The following SPOCK3 variants were observed in gnomAD, a reference collection of about 807,000 sequenced individuals.
SPOCK3 encodes the protein testican-3.
Under a neutral mutation model 56.6 loss-of-function variants are expected in SPOCK3, and 30 were observed. The ratio of observed to expected loss-of-function variants is 0.53; its 90% CI spans 0.40 to 0.72. The LOEUF (loss-of-function observed/expected upper bound fraction) is 0.72, where lower values mean the gene tolerates loss of function less well. Ranked by LOEUF, SPOCK3 falls within the 30% of genes least tolerant of loss-of-function variation. The pLI is 0.00. For missense variants in SPOCK3, 527 were observed against 530.0 expected, an observed-to-expected ratio of 0.99 and a Z score of 0.06; for synonymous variants, 196 against 183.3, an observed-to-expected ratio of 1.07 and a Z score of -0.56.
At chr4:167,162,927 T>C (rs1765442083) in intron 2 of SPOCK3, among the ~76,000 whole-genome samples, 1 of 151,972 alleles carries the variant, frequency 6.6e-6, no homozygotes, top group African/African-American at 2.4e-5. Context: ...GCAGTGGCAA[T>C]GACAGCTTAT....
intron 4 of SPOCK3, among the ~76,000 whole-genome samples, chr4:166,952,153 G>T (rs1038775680): frequency 1.3e-5 from 2 of 152,142 alleles, no homozygotes; most frequent in Non-Finnish European, 2.9e-5. Flanking sequence ...GTCCCTGTTT[G>T]CAGACGACAT....
At chr4:167,168,466 G>A (rs760609500) in intron 2 of SPOCK3, among the ~76,000 whole-genome samples, 2 of 152,128 alleles carry the variant, frequency 1.3e-5, no homozygotes, top group Non-Finnish European at 2.9e-5. Flanking sequence ...TCCAGGCTGA[G>A]GTGGTCTCAG....
intron 2 of SPOCK3, among the ~76,000 whole-genome samples, chr4:167,072,225 A>G (rs530526325): frequency 2.0e-5 from 3 of 152,178 alleles, no homozygotes; most frequent in African/African-American, 7.2e-5. Context: ...GTATAGCCCC[A>G]AAGCCTTCAT....
intron 3 of SPOCK3, among the ~76,000 whole-genome samples, chr4:167,054,880 C>T (rs577218448): frequency 3.1e-4 from 47 of 151,864 alleles, no homozygotes; most frequent in Non-Finnish European, 4.1e-4. Context: ...AATATGTAAT[C>T]GATATGTTTA....
chr4:167,119,724 T>C (rs767005300), intron 2 of SPOCK3: 562 of 1,088,744 alleles, frequency 5.2e-4, no homozygotes, highest in Non-Finnish European at 5.7e-4. Flanking sequence ...GAGAACGTTA[T>C]GTCTATAACA....
chr4:166,866,648 G>GAA (rs1344285841), intron 6 of SPOCK3, among the ~76,000 whole-genome samples: 1 of 151,312 alleles, frequency 6.6e-6, no homozygotes, highest in African/African-American at 2.4e-5. Context: ...TCTCAAAAGA[G>GAA]AAGTAAGATG....
At chr4:166,866,220 C>T (rs1579472567) in intron 6 of SPOCK3, among the ~76,000 whole-genome samples, 1 of 152,098 alleles carries the variant, frequency 6.6e-6, no homozygotes, top group Admixed American at 6.6e-5. Flanking sequence ...GGAAAACTGG[C>T]TAGCCATATG....
At chr4:167,133,683 T>C (rs1450671983) in intron 2 of SPOCK3, among the ~76,000 whole-genome samples, 1 of 152,192 alleles carries the variant, frequency 6.6e-6, no homozygotes, top group African/African-American at 2.4e-5. Flanking sequence ...AATTAGTAAT[T>C]AGAAGCTTGT....
chr4:166,853,092 A>G (rs376935219), intron 6 of SPOCK3, among the ~76,000 whole-genome samples: 57 of 152,296 alleles, frequency 3.7e-4, no homozygotes, highest in African/African-American at 1.2e-3. Context: ...ATCAACTCCA[A>G]AATTACAAAT....
chr4:167,059,940 G>A (rs528992826), intron 3 of SPOCK3, among the ~76,000 whole-genome samples: 35 of 151,544 alleles, frequency 2.3e-4, no homozygotes, highest in African/African-American at 8.0e-4. Context: ...CTCATAGGTG[G>A]GAATTGAACA....
chr4:166,783,504 T>C (rs1036535550), intron 7 of SPOCK3, among the ~76,000 whole-genome samples: 1 of 152,156 alleles, frequency 6.6e-6, no homozygotes. Flanking sequence ...AAGCATGCAT[T>C]ACTTGCACAA....
chr4:166,875,174 T>C (rs531272040), intron 6 of SPOCK3, among the ~76,000 whole-genome samples: 2 of 152,294 alleles, frequency 1.3e-5, no homozygotes, highest in East Asian at 3.9e-4. Context: ...AGTATCACTT[T>C]TCTGCAACAC....
At chr4:167,132,423 A>G (rs1762775117) in intron 2 of SPOCK3, among the ~76,000 whole-genome samples, 1 of 152,214 alleles carries the variant, frequency 6.6e-6, no homozygotes, top group Admixed American at 6.5e-5. Flanking sequence ...TTTTTTAAAG[A>G]CATGTCTTAG....
At chr4:166,755,760 G>C (rs538473797) in intron 7 of SPOCK3, among the ~76,000 whole-genome samples, 1 of 152,008 alleles carries the variant, frequency 6.6e-6, no homozygotes, top group South Asian at 2.1e-4. Context: ...AATTCTCTCA[G>C]ATTTTGTAGC....
intron 4 of SPOCK3, among the ~76,000 whole-genome samples, chr4:166,988,579 CT>C (rs754051708): frequency 7.2e-5 from 11 of 152,108 alleles, no homozygotes; most frequent in Non-Finnish European, 1.5e-4. Context: ...GGATTTTAGT[CT>C]TAAATATAGT....
chr4:167,046,863 C>T (rs1181565313), intron 3 of SPOCK3, among the ~76,000 whole-genome samples: 5 of 152,068 alleles, frequency 3.3e-5, no homozygotes, highest in African/African-American at 4.8e-5. Context: ...ATTATTAAAA[C>T]TAGACTTGAA....
At chr4:167,149,823 T>C (rs1405905955) in intron 2 of SPOCK3, among the ~76,000 whole-genome samples, 4 of 102,074 alleles carry the variant, frequency 3.9e-5, no homozygotes, top group African/African-American at 7.7e-5. Context: ...ACTATATATA[T>C]GGTGTGTATA....
At chr4:166,850,621 G>A (rs1020709544) in intron 6 of SPOCK3, among the ~76,000 whole-genome samples, 5 of 152,242 alleles carry the variant, frequency 3.3e-5, no homozygotes, top group Non-Finnish European at 1.5e-5. Flanking sequence ...CACCGTGCGC[G>A]AGCCAAAGCA....
At chr4:167,201,490 CTATT>C (rs1037540138) in intron 2 of SPOCK3, among the ~76,000 whole-genome samples, 2 of 151,852 alleles carry the variant, frequency 1.3e-5, no homozygotes, top group African/African-American at 4.8e-5. Context: ...AATTGAAATC[CTATT>C]TATTATTATT....
Sources: allele counts gnomAD v4.1 joint callset (sites outside exome capture counted in the v4.1 genomes callset), GRCh38; gene constraint gnomAD v4.1.1; transcripts MANE v1.5; gene names NCBI Gene and HGNC (gene_info 2026-07-23, HGNC 2026-07-21).